The following SEPTIN6 variants were observed in gnomAD, a reference collection of about 807,000 sequenced individuals.
SEPTIN6 encodes the protein septin-6.
Under a neutral mutation model 33.6 loss-of-function variants are expected in SEPTIN6, and 8 were observed. The ratio of observed to expected loss-of-function variants is 0.24; its 90% CI spans 0.14 to 0.43. The LOEUF (loss-of-function observed/expected upper bound fraction) is 0.43, where lower values mean the gene tolerates loss of function less well. Ranked by LOEUF, SEPTIN6 falls within the 20% of genes least tolerant of loss-of-function variation. The probability of loss-of-function intolerance (pLI) is 1.00; values close to 1 mark genes in which losing one functional copy is unlikely to be tolerated. For missense variants in SEPTIN6, 250 were observed against 340.8 expected (o/e 0.73, Z 2.10); for synonymous variants, 131 against 140.0 (o/e 0.94, Z 0.45).
rs755370475 is a variant in SEPTIN6, at chrX:119,693,114, C to A, written c.-9G>T. 6 of 1,169,171 alleles carry A rather than the reference C, an allele frequency of 5.1e-6. No individual in the cohort carries two copies. The highest frequency in any genetic ancestry group is 1.1e-6 in the Non-Finnish European group (1 of 873,917). On this transcript the variant is annotated 5_prime_UTR_variant, in exon 1 of 11. Transcript: ENST00000394610. ...ATATCGGTCGCTGCCATCGCTCCTGCGTCCGCCAGGGCTGCCACGGGTGCC... is the reference window on the plus strand; with the variant it reads ...ATATCGGTCGCTGCCATCGCTCCTGAGTCCGCCAGGGCTGCCACGGGTGCC...
chrX:119,632,589 A>C (rs1023527138), intron 8 of SEPTIN6, among the ~76,000 whole-genome samples: 1 of 109,867 alleles, frequency 9.1e-6, no homozygotes, highest in African/African-American at 3.3e-5. Flanking sequence ...GTGACAGGTT[A>C]AATGTGGAAG....
intron 9 of SEPTIN6, among the ~76,000 whole-genome samples, chrX:119,627,791 CTTTTTTT>C (rs973249197): frequency 1.8e-4 from 13 of 73,674 alleles, no homozygotes; most frequent in Non-Finnish European, 2.9e-4. Flanking sequence ...ATCTGCACTT[CTTTTTTT>C]TTTTTTTTTT....
intron 3 of SEPTIN6, among the ~76,000 whole-genome samples, chrX:119,654,225 AAAC>A (rs1421608766): frequency 9.0e-6 from 1 of 111,349 alleles, no homozygotes; most frequent in Non-Finnish European, 1.9e-5. Flanking sequence ...AAGGCTTCTT[AAAC>A]AACAGTCAGC....
intron 1 of SEPTIN6, chrX:119,686,699 A>G: frequency 1.5e-6 from 1 of 650,720 alleles, no homozygotes; most frequent in Non-Finnish European, 2.1e-6. Flanking sequence ...CCCCCACTCC[A>G]GTTGTTACTT....
rs1193237119 is a variant in SEPTIN6 at position 119,652,959 on chromosome X, G to T, written c.423C>A (p.His141Gln). 8.3e-7 allele frequency: 1 copy of T among 1,206,733 alleles called. No individual in the cohort carries two copies. The highest frequency in any genetic ancestry group is 1.1e-6 in the Non-Finnish European group (1 of 893,188). Reference sequence around the variant, plus strand: ...CATGGATTCGGGAGTCATGGTAGGTGTGTAGCACTCTTCGGATCTTTAGCT... The same window carrying T: ...CATGGATTCGGGAGTCATGGTAGGTTTGTAGCACTCTTCGGATCTTTAGCT... ...QEELKIRRVLHTYHDSRIHVC... is the reference protein window; with the variant it reads ...QEELKIRRVLQTYHDSRIHVC... The change falls in exon 4 of 11, where the codon CAC becomes CAA. Residue 141 changes from histidine (H) to glutamine (Q), a missense_variant. Coordinates refer to ENST00000394610, the MANE Select transcript of SEPTIN6 (RefSeq NM_145799.4).
chrX:119,657,145 G>C (rs1405364444), intron 3 of SEPTIN6, among the ~76,000 whole-genome samples: 1 of 106,605 alleles, frequency 9.4e-6, no homozygotes, highest in Non-Finnish European at 1.9e-5. Flanking sequence ...CTTGAACCTG[G>C]GAGGCGGAGG....
rs1016464936 is a variant in SEPTIN6, at chrX:119,639,601, A to G, written c.787+1091T>C. On this transcript the variant is annotated intron_variant, in intron 6 of 10. Coordinates refer to ENST00000394610, the MANE Select transcript of SEPTIN6 (RefSeq NM_145799.4). ...AGGTTAAACATTACCAGTACCTTGG[A>G]AGCCCCTGAGTGCCCTTTCCCAATC... Among the ~76,000 whole-genome samples the G allele has an allele frequency of 4.5e-5, 5 of 111,846 alleles. No individual in the cohort carries two copies. The Admixed American group carries it at 4.7e-4, about 11-fold the overall frequency.
intron 1 of SEPTIN6, among the ~76,000 whole-genome samples, chrX:119,685,467 G>C (rs763009462): frequency 9.0e-6 from 1 of 111,463 alleles, no homozygotes; most frequent in Non-Finnish European, 1.9e-5. Flanking sequence ...GGAGAAAAAG[G>C]AAACATAAGC....
In SEPTIN6 at chrX:119,621,446, GGTGTGTGTGT is replaced by G. The variant is rs34517524; in HGVS notation, c.*42-1405_*42-1396del. On this transcript the variant is annotated intron_variant, in intron 10 of 10. Transcript: ENST00000394610. Reference sequence around the variant, plus strand: ...AAGAGTCACAGCTGGGCCCAGAGCTGGTGTGTGTGTGTGTGTGTGTGTGTGTGTGTGTGTG... The same window carrying G: ...AAGAGTCACAGCTGGGCCCAGAGCTGGTGTGTGTGTGTGTGTGTGTGTGTG... Among the ~76,000 whole-genome samples the G allele has an allele frequency of 1.1e-3, 68 of 63,483 alleles. No individual in the cohort carries two copies. In the East Asian group the frequency reaches 0.018, roughly 17 times the overall value. The allele number at this position is 63,483 out of a possible 115,157, so 55.1% of individuals were successfully genotyped here.
chrX:119,687,520 A>G (rs1003739159), intron 1 of SEPTIN6, among the ~76,000 whole-genome samples: 32 of 111,482 alleles, frequency 2.9e-4, no homozygotes, highest in Admixed American at 2.3e-3. Flanking sequence ...AAGTGCTGGG[A>G]TTACAGACGT....
At chrX:119,669,762 C>G (rs1014434293) in intron 2 of SEPTIN6, among the ~76,000 whole-genome samples, 3 of 111,907 alleles carry the variant, frequency 2.7e-5, no homozygotes, top group Non-Finnish European at 5.6e-5. Context: ...AAATAAGCAG[C>G]TGCCTTTCCC....
intron 9 of SEPTIN6, among the ~76,000 whole-genome samples, chrX:119,626,131 T>C (rs1251315827): frequency 1.8e-5 from 2 of 111,998 alleles, no homozygotes; most frequent in East Asian, 5.6e-4. Flanking sequence ...TTATTGCTAA[T>C]ATAAGGTGCC....
chrX:119,657,226 A>C (rs2054462751), intron 3 of SEPTIN6, among the ~76,000 whole-genome samples: 1 of 109,243 alleles, frequency 9.2e-6, no homozygotes, highest in Non-Finnish European at 1.9e-5. Flanking sequence ...CTCAAAAAAA[A>C]AAAAAACAAA....
intron 2 of SEPTIN6, among the ~76,000 whole-genome samples, chrX:119,671,596 A>C: frequency 9.1e-6 from 1 of 109,506 alleles, no homozygotes; most frequent in East Asian, 2.9e-4. Flanking sequence ...CCCTCTACAC[A>C]ATAATTTTAA....
chrX:119,647,970 A>T (rs6646441), intron 5 of SEPTIN6, among the ~76,000 whole-genome samples: 37,018 of 93,954 alleles, frequency 0.39, 6,899 homozygotes, highest in African/African-American at 0.63. Context: ...AATTTTTTTT[A>T]AATTTCAGTA....
At chrX:119,636,825 C>T (rs2054068681) in intron 7 of SEPTIN6, among the ~76,000 whole-genome samples, 1 of 111,097 alleles carries the variant, frequency 9.0e-6, no homozygotes, top group Non-Finnish European at 1.9e-5. Flanking sequence ...CCCAAGCCTG[C>T]TCCCCACAGC....
At chrX:119,636,999 G>C (rs1428268485) in intron 7 of SEPTIN6, 28 bp downstream of exon 7, 3 of 1,195,941 alleles carry the variant, frequency 2.5e-6, no homozygotes, top group African/African-American at 3.5e-5. Flanking sequence ...AGCTGGGCTG[G>C]GCTGGGCTGG....
chrX:119,620,992 C>T lies in SEPTIN6; in HGVS notation c.*42-941G>A, dbSNP rs1212849909. Reference sequence around the variant, plus strand: ...CACCCCCAGCACCACCACCCACCCCCAGCACCACCACCCAATACCTTGTAC... The same window carrying T: ...CACCCCCAGCACCACCACCCACCCCTAGCACCACCACCCAATACCTTGTAC... On this transcript the variant is annotated intron_variant, in intron 10 of 10. Transcript: ENST00000394610. Among the ~76,000 whole-genome samples the T allele has an allele frequency of 1.3e-4, 13 of 100,257 alleles. No homozygotes were observed. The East Asian group carries it at 3.8e-3, about 29-fold the overall frequency. 87.1% of individuals were successfully genotyped at this position (100,257 alleles called of 115,157 possible).
chrX:119,633,639 C>T, intron 7 of SEPTIN6, 147 bp from the exon 8 acceptor site: 1 of 743,337 alleles, frequency 1.3e-6, no homozygotes, highest in South Asian at 3.2e-5. Flanking sequence ...GCTGTGGGCA[C>T]CTGGCTTGGC....
Sources: gnomAD v4.1 joint callset for allele counts (sites outside exome capture counted in the v4.1 genomes callset) on GRCh38, gnomAD v4.1.1 for gene constraint, MANE v1.5 for transcripts, NCBI Gene and HGNC (gene_info 2026-07-23, HGNC 2026-07-21) for gene names.